The following PTPRT variants were observed in gnomAD, a reference collection of about 807,000 sequenced individuals.
PTPRT encodes the protein receptor-type tyrosine-protein phosphatase T.
In PTPRT, 56 loss-of-function variants were observed where a neutral mutation model predicts 176.8. The observed-to-expected ratio is 0.32, with a 90% CI of 0.26 to 0.40. The LOEUF (loss-of-function observed/expected upper bound fraction) is 0.40. PTPRT is among the 10% of genes least tolerant of loss of function. The probability of loss-of-function intolerance (pLI) is 1.00; values close to 1 mark genes in which losing one functional copy is unlikely to be tolerated. For missense variants in PTPRT, 1,540 were observed against 1,908.2 expected, an observed-to-expected ratio of 0.81 and a Z score of 3.60; for synonymous variants, 783 against 739.0, an observed-to-expected ratio of 1.06 and a Z score of -0.96.
chr20:42,059,966 C>A, the PTPRT span, among the ~76,000 whole-genome samples: 56 of 152,162 alleles, frequency 3.7e-4, no homozygotes, highest in South Asian at 0.012. Flanking sequence ...CTCCCAGGGC[C>A]CTTCTTGTCT....
At chr20:42,646,772 T>C (rs2074910296) in intron 7 of PTPRT, among the ~76,000 whole-genome samples, 1 of 149,704 alleles carries the variant, frequency 6.7e-6, no homozygotes, top group East Asian at 2.0e-4. Flanking sequence ...ACATTCTGAC[T>C]CAACCCCACC....
At chr20:43,102,219 T>C (rs1295907411) in intron 1 of PTPRT, among the ~76,000 whole-genome samples, 1 of 151,770 alleles carries the variant, frequency 6.6e-6, no homozygotes, top group Non-Finnish European at 1.5e-5. Context: ...TGTACTTACA[T>C]TTGAAATAAG....
chr20:43,090,712 T>C (rs758661600), intron 1 of PTPRT, among the ~76,000 whole-genome samples: 10 of 151,954 alleles, frequency 6.6e-5, no homozygotes, highest in Non-Finnish European at 8.8e-5. Flanking sequence ...TCCTAGAATA[T>C]AGAGCGAGGA....
chr20:42,038,526 C>T, the PTPRT span, among the ~76,000 whole-genome samples: 1 of 152,134 alleles, frequency 6.6e-6, no homozygotes. Context: ...TGTGTGGGGA[C>T]ACAAAGTGCT....
chr20:42,430,222 G>C (rs2059203874), intron 9 of PTPRT, among the ~76,000 whole-genome samples: 1 of 152,190 alleles, frequency 6.6e-6, no homozygotes, highest in Admixed American at 6.5e-5. Context: ...TTCACAGCAG[G>C]GTGAGGAAAT....
chr20:42,818,491 C>T lies in PTPRT; in HGVS notation c.215-27025G>A, dbSNP rs115633111. On this transcript the variant is annotated intron_variant, in intron 2 of 30. Coordinates refer to ENST00000373187, the MANE Select transcript of PTPRT (RefSeq NM_007050.6). ...GCCAGAGTGCCTTTCCTCCTCCAAA[C>T]GACTGCAACGTCGTTCCATCACAAG... 2.7e-3 allele frequency among the ~76,000 whole-genome samples: 414 copies of T among 152,290 alleles called. 5 individuals are homozygous for T. Among genetic ancestry groups the T allele is most frequent in the African/African-American group, 8.0e-3 (331 of 41,568 alleles).
intron 6 of PTPRT, among the ~76,000 whole-genome samples, chr20:42,751,613 C>T (rs1257908973): frequency 6.6e-6 from 1 of 152,138 alleles, no homozygotes; most frequent in African/African-American, 2.4e-5. Context: ...CCATCAGCTG[C>T]CAGCGTAACT....
Position 42,118,451 on chromosome 20 carries a change from C to T in PTPRT, c.2934G>A (p.Glu978=). Residue 978 remains glutamate, a synonymous_variant, in exon 21 of 31, where the codon GAG becomes GAA. Coordinates refer to ENST00000373187, the MANE Select transcript of PTPRT (RefSeq NM_007050.6). ...VKDFWRMIWQ[E]NSASIVMVTN... is the part of the protein sequence containing the mutation. ...TGACCATGACGATGCTGGCGGAGTT[C>T]TCCTGCCAGATCATTCTCCAAAAGT... 1.2e-6 allele frequency: 2 copies of T among 1,613,242 alleles called. No individual in the cohort carries two copies. The highest frequency in any genetic ancestry group is 1.7e-6 in the Non-Finnish European group (2 of 1,179,556).
chr20:42,462,413 G>C (rs1310196176), intron 8 of PTPRT, among the ~76,000 whole-genome samples: 2 of 149,556 alleles, frequency 1.3e-5, no homozygotes, highest in Non-Finnish European at 3.0e-5. Context: ...CAGGAAATCA[G>C]ATGGAGCTAG....
chr20:42,223,408 C>T (rs930435510), intron 15 of PTPRT, among the ~76,000 whole-genome samples: 1 of 152,126 alleles, frequency 6.6e-6, no homozygotes, highest in Non-Finnish European at 1.5e-5. Flanking sequence ...GGATTCAAAC[C>T]CCAACCCAGT....
intron 1 of PTPRT, among the ~76,000 whole-genome samples, chr20:43,047,231 A>G (rs750801534): frequency 2.6e-5 from 4 of 152,016 alleles, no homozygotes; most frequent in East Asian, 3.9e-4. Context: ...GCAACTCCCA[A>G]CTTTTTTATT....
chr20:42,609,981 C>G (rs535705231), intron 7 of PTPRT, among the ~76,000 whole-genome samples: 1 of 152,328 alleles, frequency 6.6e-6, no homozygotes, highest in East Asian at 1.9e-4. Context: ...TCATTTGACT[C>G]CAAGCATCCA....
At chr20:42,599,124 T>C (rs570310259) in intron 7 of PTPRT, among the ~76,000 whole-genome samples, 1 of 151,996 alleles carries the variant, frequency 6.6e-6, no homozygotes, top group African/African-American at 2.4e-5. Context: ...GCACCGGAAG[T>C]GGAAAGGACA....
At chr20:42,528,680 A>G (rs2072322586) in intron 7 of PTPRT, among the ~76,000 whole-genome samples, 1 of 152,168 alleles carries the variant, frequency 6.6e-6, no homozygotes, top group African/African-American at 2.4e-5. Context: ...TACGACAATT[A>G]AGGGCAAACT....
chr20:42,346,322 TG>T, intron 11 of PTPRT, among the ~76,000 whole-genome samples: 1 of 152,168 alleles, frequency 6.6e-6, no homozygotes. Flanking sequence ...GACTAATTCA[TG>T]GCTAAGTTAC....
chr20:42,205,003 T>G (rs2055418962), intron 15 of PTPRT, among the ~76,000 whole-genome samples: 1 of 145,486 alleles, frequency 6.9e-6, no homozygotes, highest in Non-Finnish European at 1.5e-5. Flanking sequence ...ACTTTTAGTT[T>G]TAGGGTACAT....
At chr20:42,428,729 T>A (rs1025992854) in intron 9 of PTPRT, among the ~76,000 whole-genome samples, 2 of 152,056 alleles carry the variant, frequency 1.3e-5, no homozygotes, top group Admixed American at 1.3e-4. Flanking sequence ...ATTGTGGGCA[T>A]GAAACTCAAC....
At chr20:42,959,340 C>T (rs1223578630) in intron 1 of PTPRT, among the ~76,000 whole-genome samples, 7 of 152,038 alleles carry the variant, frequency 4.6e-5, no homozygotes, top group Non-Finnish European at 1.5e-5. Context: ...CGGTGATCAC[C>T]AAAAGACATA....
intron 23 of PTPRT, among the ~76,000 whole-genome samples, chr20:42,109,906 G>T (rs192452280): frequency 2.0e-5 from 3 of 152,298 alleles, no homozygotes; most frequent in African/African-American, 7.2e-5. Context: ...CTGACCTTGT[G>T]ACCAAGTATC....
Sources: gnomAD v4.1 joint callset for allele counts (sites outside exome capture counted in the v4.1 genomes callset) on GRCh38, gnomAD v4.1.1 for gene constraint, MANE v1.5 for transcripts, NCBI Gene and HGNC (gene_info 2026-07-23, HGNC 2026-07-21) for gene names.